GPM6A: variants seen among roughly 807,000 people sequenced by gnomAD.
GPM6A encodes neuronal membrane glycoprotein M6-a.
A neutral mutation model predicts 32.1 loss-of-function variants in GPM6A; 7 were observed. The observed-to-expected ratio is 0.22, with a 90% CI of 0.12 to 0.41. The LOEUF is 0.41. Ranked by LOEUF, GPM6A falls within the 10% of genes least tolerant of loss-of-function variation. The pLI, the probability that GPM6A is intolerant of heterozygous loss-of-function variation, is 1.00. For synonymous variants in GPM6A, 130 were observed against 123.4 expected (o/e 1.05, Z -0.35); for missense variants, 235 against 347.2 (o/e 0.68, Z 2.57).
chr4:175,968,095 C>T (rs1740384377), intron 1 of GPM6A, among the ~76,000 whole-genome samples: 2 of 151,784 alleles, frequency 1.3e-5, no homozygotes, highest in South Asian at 2.1e-4. Flanking sequence ...GGAACGGAAT[C>T]GAGAGCGTAG....
intron 1 of GPM6A, among the ~76,000 whole-genome samples, chr4:175,830,957 C>T (rs1284049104): frequency 6.6e-6 from 1 of 152,064 alleles, no homozygotes; most frequent in Non-Finnish European, 1.5e-5. Context: ...TATTTATCCC[C>T]TAAACTGGAA....
At chr4:175,942,076 C>A (rs1739430035) in intron 1 of GPM6A, among the ~76,000 whole-genome samples, 1 of 152,216 alleles carries the variant, frequency 6.6e-6, no homozygotes, top group South Asian at 2.1e-4. Flanking sequence ...ACCATTCTAA[C>A]TGGCGTGAGA....
intron 1 of GPM6A, among the ~76,000 whole-genome samples, chr4:175,890,793 TG>T (rs1737624694): frequency 6.6e-6 from 1 of 152,128 alleles, no homozygotes. Context: ...TGACCTCAAG[TG>T]ATCCTTCCAC....
intron 1 of GPM6A, among the ~76,000 whole-genome samples, chr4:175,985,772 G>A (rs1375586498): frequency 6.6e-6 from 1 of 151,924 alleles, no homozygotes; most frequent in African/African-American, 2.4e-5. Context: ...ATAAGTTAAT[G>A]TTAAATTTTA....
intron 1 of GPM6A, among the ~76,000 whole-genome samples, chr4:175,946,643 C>T (rs896134950): frequency 1.3e-5 from 2 of 151,994 alleles, no homozygotes; most frequent in South Asian, 2.1e-4. Flanking sequence ...AACAGGGAAC[C>T]GCAAGCACAG....
At position 175,965,366 on chromosome 4, in the gene GPM6A, T is replaced by C. The variant is rs185578190; in HGVS notation, c.-23+36943A>G. 8.2e-4 allele frequency among the ~76,000 whole-genome samples: 124 copies of C among 151,946 alleles called. 2 individuals carry two copies. The highest frequency in any genetic ancestry group is 2.9e-5 in the Non-Finnish European group (2 of 67,952). Reference sequence around the variant, plus strand: ...GATAGAAAATTCAATCATTTAAGCTTCTACCCAAGAAAACTAGAAAAAAAA... The same window carrying C: ...GATAGAAAATTCAATCATTTAAGCTCCTACCCAAGAAAACTAGAAAAAAAA... On this transcript the variant is annotated intron_variant, in intron 1 of 7. Transcript: ENST00000280187.
chr4:175,784,865 T>C (rs779882936), intron 1 of GPM6A, among the ~76,000 whole-genome samples: 12 of 152,154 alleles, frequency 7.9e-5, no homozygotes, highest in Admixed American at 5.9e-4. Context: ...ATTGCACTTA[T>C]CCACTATCAA....
chr4:175,919,675 C>T (rs1738604609), intron 1 of GPM6A, among the ~76,000 whole-genome samples: 1 of 152,176 alleles, frequency 6.6e-6, no homozygotes, highest in East Asian at 1.9e-4. Context: ...CTCCTTCTCT[C>T]TCACATTAAC....
intron 1 of GPM6A, among the ~76,000 whole-genome samples, chr4:175,809,818 G>C (rs1228355510): frequency 6.6e-6 from 1 of 152,000 alleles, no homozygotes; most frequent in Non-Finnish European, 1.5e-5. Flanking sequence ...ATATATTTTC[G>C]AACATAGCAA....
At position 175,907,846 on chromosome 4, in the gene GPM6A, T is replaced by C. The variant is rs908274578; in HGVS notation, c.-23+94463A>G. 5.3e-5 allele frequency among the ~76,000 whole-genome samples: 8 copies of C among 152,332 alleles called. No homozygotes were observed. The East Asian group carries it at 1.5e-3, about 29-fold the overall frequency. ...ATTTCTTTGGGTCTTCATTTACTTA[T>C]GAAGGCTCCCATGTCACATAAAAGG... On this transcript the variant is annotated intron_variant, in intron 1 of 7. Coordinates refer to the GPM6A transcript ENST00000280187.
chr4:175,820,588 C>T (rs1735248336), intron 1 of GPM6A, among the ~76,000 whole-genome samples: 1 of 150,994 alleles, frequency 6.6e-6, no homozygotes, highest in African/African-American at 2.4e-5. Flanking sequence ...GCAACCTCCC[C>T]TTCCCGGGTT....
At chr4:175,733,523 C>T (rs1266617452) in intron 1 of GPM6A, among the ~76,000 whole-genome samples, 1 of 151,926 alleles carries the variant, frequency 6.6e-6, no homozygotes, top group South Asian at 2.1e-4. Flanking sequence ...AATGAATAAA[C>T]AAGCAAACTA....
intron 1 of GPM6A, among the ~76,000 whole-genome samples, chr4:175,948,552 C>A (rs1459371907): frequency 4.6e-5 from 7 of 152,194 alleles, no homozygotes; most frequent in Admixed American, 6.5e-5. Context: ...CTGATTCTAC[C>A]TCCTTTACAT....
intron 4 of GPM6A, among the ~76,000 whole-genome samples, chr4:175,643,728 C>T (rs1374339150): frequency 2.0e-5 from 3 of 152,124 alleles, no homozygotes; most frequent in African/African-American, 7.2e-5. Context: ...CAGCTGGCTC[C>T]TAATAAAGAA....
Position 175,701,749 on chromosome 4 carries a change from A to G in GPM6A, c.56T>C (p.Ile19Thr). Residue 19 changes from isoleucine (I) to threonine (T), a missense_variant, in exon 2 of 7, where the codon ATC becomes ACC. Coordinates refer to ENST00000393658, the MANE Select transcript of GPM6A (RefSeq NM_201591.3). Reference sequence around the variant, plus strand: ...ATAGGGAATGCCCCCCAGGCATTTGATACAGCATTCAAAACACCCTGTAGA... The same window carrying G: ...ATAGGGAATGCCCCCCAGGCATTTGGTACAGCATTCAAAACACCCTGTAGA... ...QTQKGCFECCIKCLGGIPYAS... is the reference protein window; with the variant it reads ...QTQKGCFECCTKCLGGIPYAS... 1 of 1,611,504 alleles carries G rather than the reference A, an allele frequency of 6.2e-7. No homozygotes were observed. Among genetic ancestry groups the G allele is most frequent in the African/African-American group, 1.3e-5 (1 of 74,960 alleles).
chr4:175,942,169 A>G (rs1235193386), intron 1 of GPM6A, among the ~76,000 whole-genome samples: 1 of 150,656 alleles, frequency 6.6e-6, no homozygotes, highest in African/African-American at 2.5e-5. Context: ...TTGGCCACAT[A>G]AATGTCTTCT....
At chr4:175,932,907 G>GA (rs531722788) in intron 1 of GPM6A, among the ~76,000 whole-genome samples, 124 of 151,970 alleles carry the variant, frequency 8.2e-4, no homozygotes, top group Non-Finnish European at 9.9e-4. Flanking sequence ...ATATAATAAA[G>GA]AAAAAATAGA....
At chr4:175,735,027 G>A (rs1731601966) in intron 1 of GPM6A, among the ~76,000 whole-genome samples, 1 of 152,056 alleles carries the variant, frequency 6.6e-6, no homozygotes, top group African/African-American at 2.4e-5. Context: ...AACCATATTT[G>A]TCTTTGTTCA....
Position 175,879,016 on chromosome 4 carries a change from A to T in GPM6A, c.-22-66767T>A, listed in dbSNP as rs553613691. Among the ~76,000 whole-genome samples, 7 of 152,244 alleles carry T rather than the reference A, an allele frequency of 4.6e-5. No homozygotes were observed. In the South Asian group the frequency reaches 1.5e-3, roughly 32 times the overall value. The stretch of plus-strand genomic sequence containing the variant: ...CTCTCTGAAGTTCAAATTGCCATAG[A>T]TCTATAGGACAGGGGCAAAATGCTG... On this transcript the variant is annotated intron_variant, in intron 1 of 7. Coordinates refer to the GPM6A transcript ENST00000280187.
Sources: allele counts gnomAD v4.1 joint callset (sites outside exome capture counted in the v4.1 genomes callset), GRCh38; gene constraint gnomAD v4.1.1; transcripts MANE v1.5; gene names NCBI Gene and HGNC (gene_info 2026-07-23, HGNC 2026-07-21).